GBE1: variants seen among roughly 807,000 people sequenced by gnomAD.
GBE1 encodes 1,4-alpha-glucan-branching enzyme.
Under a neutral mutation model 88.8 loss-of-function variants are expected in GBE1, and 70 were observed. That is an observed-to-expected ratio of 0.79 (90% CI 0.65 to 0.96). The LOEUF is 0.96. Ranked by LOEUF, GBE1 falls within the 40% of genes least tolerant of loss-of-function variation. The pLI is 0.00. For missense variants in GBE1, 872 were observed against 871.0 expected, an observed-to-expected ratio of 1.00 and a Z score of -0.01; for synonymous variants, 284 against 300.1, an observed-to-expected ratio of 0.95 and a Z score of 0.56.
chr3:81,552,520 T>TAAA (rs58899195), intron 12 of GBE1, among the ~76,000 whole-genome samples: 34 of 55,820 alleles, frequency 6.1e-4, no homozygotes, highest in Middle Eastern at 0.019. Context: ...CTATCTTATA[T>TAAA]AAAAAAAAAA....
intron 12 of GBE1, among the ~76,000 whole-genome samples, chr3:81,572,293 G>T (rs1703586577): frequency 6.6e-6 from 1 of 152,044 alleles, no homozygotes; most frequent in Non-Finnish European, 1.5e-5. Context: ...GTTCTTTACA[G>T]CAGTATGAAA....
At position 81,761,371 on chromosome 3, in the gene GBE1, G is replaced by A. The variant is rs1204644219; in HGVS notation, c.143+4C>T. ...AAGTGGGGGTGGTGGGATTCCGGCGGTACCTGCGCTGGAAGTCCACGGCGT... is the reference window on the plus strand; with the variant it reads ...AAGTGGGGGTGGTGGGATTCCGGCGATACCTGCGCTGGAAGTCCACGGCGT... On this transcript the variant is annotated splice_donor_region_variant and intron_variant, in intron 1 of 15. Transcript: ENST00000429644. The A allele has an allele frequency of 3.1e-6, 5 of 1,605,546 alleles. No individual in the cohort carries two copies. In the East Asian group the frequency reaches 9.1e-5, roughly 29 times the overall value.
rs183728245 is a variant in GBE1, at chr3:81,659,849, G to T, written c.430-9928C>A. 2.7e-4 allele frequency among the ~76,000 whole-genome samples: 41 copies of T among 152,126 alleles called. 1 individual carries two copies. In the East Asian group the frequency reaches 7.9e-3, roughly 29 times the overall value. Reference sequence around the variant, plus strand: ...TAAACATTAAGACTATTACATCCAAGAATATAGTTAATGACTATTAAATAA... The same window carrying T: ...TAAACATTAAGACTATTACATCCAATAATATAGTTAATGACTATTAAATAA... On this transcript the variant is annotated intron_variant, in intron 3 of 15. Transcript: ENST00000429644.
At chr3:81,711,194 G>C (rs1423864945) in intron 1 of GBE1, among the ~76,000 whole-genome samples, 1 of 152,146 alleles carries the variant, frequency 6.6e-6, no homozygotes, top group East Asian at 1.9e-4. Flanking sequence ...CCATTCTCAA[G>C]TGCTTCTGAG....
At chr3:81,670,987 A>G in intron 2 of GBE1, 34 bp from the exon 3 acceptor site, 1 of 981,220 alleles carries the variant, frequency 1.0e-6, no homozygotes, top group Non-Finnish European at 1.5e-6. Context: ...TAACAACAGC[A>G]TGATAGGACT....
At position 81,747,888 on chromosome 3, in the gene GBE1, T is replaced by G. The variant is rs553975067; in HGVS notation, c.143+13487A>C. Among the ~76,000 whole-genome samples, 8 of 152,238 alleles carry G rather than the reference T, an allele frequency of 5.3e-5. No individual in the cohort carries two copies. In the South Asian group the frequency reaches 1.7e-3, roughly 32 times the overall value. ...CACCCTTATCTCCCTTCGCTGACTCTCTTTTCGGACTCAGCCCGCCTGCAC... is the reference window on the plus strand; with the variant it reads ...CACCCTTATCTCCCTTCGCTGACTCGCTTTTCGGACTCAGCCCGCCTGCAC... On this transcript the variant is annotated intron_variant, in intron 1 of 15. Transcript: ENST00000429644.
intron 14 of GBE1, among the ~76,000 whole-genome samples, chr3:81,504,398 T>C (rs1420215560): frequency 6.6e-6 from 1 of 152,226 alleles, no homozygotes; most frequent in African/African-American, 2.4e-5. Flanking sequence ...CATTTCTTAT[T>C]TGGTCCATTT....
At chr3:81,670,424 G>A (rs914351082) in intron 3 of GBE1, among the ~76,000 whole-genome samples, 2 of 152,090 alleles carry the variant, frequency 1.3e-5, no homozygotes, top group Non-Finnish European at 2.9e-5. Flanking sequence ...ATGCATGCGC[G>A]TCCAACACAG....
intron 6 of GBE1, among the ~76,000 whole-genome samples, chr3:81,644,479 A>G (rs2107062822): frequency 6.6e-6 from 1 of 152,284 alleles, no homozygotes; most frequent in South Asian, 2.1e-4. Context: ...AAGAAAACCA[A>G]ACAGGCTACT....
intron 12 of GBE1, among the ~76,000 whole-genome samples, chr3:81,546,031 A>G (rs1474252129): frequency 6.6e-6 from 1 of 152,158 alleles, no homozygotes; most frequent in Middle Eastern, 3.2e-3. Flanking sequence ...CTATGTTATT[A>G]TGCAGTATTG....
intron 14 of GBE1, among the ~76,000 whole-genome samples, chr3:81,528,634 T>C (rs1489470386): frequency 6.6e-6 from 1 of 152,020 alleles, no homozygotes; most frequent in Non-Finnish European, 1.5e-5. Flanking sequence ...GCTCTAATAA[T>C]ATTTGCTTTA....
chr3:81,682,144 T>C (rs1048885716), intron 2 of GBE1, among the ~76,000 whole-genome samples: 1 of 152,172 alleles, frequency 6.6e-6, no homozygotes, highest in East Asian at 1.9e-4. Context: ...CAACAAGATG[T>C]ACAAATGGAC....
intron 14 of GBE1, among the ~76,000 whole-genome samples, chr3:81,503,445 C>T (rs535519711): frequency 6.6e-6 from 1 of 151,982 alleles, no homozygotes; most frequent in African/African-American, 2.4e-5. Context: ...AAAATTAACC[C>T]GGAGGTTGTA....
intron 12 of GBE1, among the ~76,000 whole-genome samples, chr3:81,558,400 CATCTATCT>C (rs569502042): frequency 2.0e-5 from 3 of 151,842 alleles, no homozygotes; most frequent in Non-Finnish European, 4.4e-5. Flanking sequence ...AAATATATAT[CATCTATCT>C]ATCTATCTAT....
intron 14 of GBE1, among the ~76,000 whole-genome samples, chr3:81,500,227 C>G (rs1472024056): frequency 6.6e-6 from 1 of 152,032 alleles, no homozygotes; most frequent in African/African-American, 2.4e-5. Flanking sequence ...CAAACTGAAA[C>G]TGATAATCAG....
chr3:81,709,369 T>C (rs1705822691), intron 1 of GBE1, among the ~76,000 whole-genome samples: 1 of 152,108 alleles, frequency 6.6e-6, no homozygotes, highest in Non-Finnish European at 1.5e-5. Context: ...TCTTGGAATA[T>C]GGAAATGCTA....
chr3:81,670,889 G>T lies in GBE1; in HGVS notation c.378C>A (p.Ile126=), dbSNP rs751014541. Residue 126 remains isoleucine (I), a synonymous_variant, in exon 3 of 16, where the codon ATC becomes ATA. Coordinates refer to ENST00000429644, the MANE Select transcript of GBE1 (RefSeq NM_000158.4). ...GTACAGATTTATTCTGCTTTGGTGG[G>T]ATATACAGCTCCCATTTTCCATAAT... The part of the protein sequence containing the change: ...KLDYGKWELY[I]PPKQNKSVLV... 8 of 1,581,894 alleles carry T rather than the reference G, an allele frequency of 5.1e-6. No homozygotes were observed. The highest frequency in any genetic ancestry group is 6.0e-6 in the Non-Finnish European group (7 of 1,167,578).
chr3:81,737,348 TAA>T (rs1491267811), intron 1 of GBE1, among the ~76,000 whole-genome samples: 10 of 103,938 alleles, frequency 9.6e-5, no homozygotes, highest in African/African-American at 3.2e-4. Context: ...TATATTTATA[TAA>T]ATATATATTT....
At chr3:81,731,619 C>T (rs898712387) in intron 1 of GBE1, among the ~76,000 whole-genome samples, 2 of 152,046 alleles carry the variant, frequency 1.3e-5, no homozygotes, top group African/African-American at 4.8e-5. Context: ...TGGTGGAAGG[C>T]GACTGGATCA....
Sources: gnomAD v4.1 joint callset for allele counts (sites outside exome capture counted in the v4.1 genomes callset) on GRCh38, gnomAD v4.1.1 for gene constraint, MANE v1.5 for transcripts, NCBI Gene and HGNC (gene_info 2026-07-23, HGNC 2026-07-21) for gene names.